The following SLC45A4 variants were observed in gnomAD, a reference collection of about 807,000 sequenced individuals.
SLC45A4 encodes the protein solute carrier family 45 member 4.
A neutral mutation model predicts 63.7 loss-of-function variants in SLC45A4; 32 were observed. The ratio of observed to expected loss-of-function variants is 0.50; its 90% CI spans 0.38 to 0.67. The LOEUF (loss-of-function observed/expected upper bound fraction) is 0.67. SLC45A4 is among the 30% of genes least tolerant of loss of function. SLC45A4 has a pLI of 0.00. For synonymous variants in SLC45A4, 535 were observed against 510.0 expected, an observed-to-expected ratio of 1.05 and a Z score of -0.66; for missense variants, 1,027 against 1,157.7, an observed-to-expected ratio of 0.89 and a Z score of 1.64.
At chr8:141,250,933 A>G (rs572742393) in intron 2 of SLC45A4, among the ~76,000 whole-genome samples, 28 of 152,390 alleles carry the variant, frequency 1.8e-4, no homozygotes, top group Admixed American at 1.4e-3. Context: ...CCATCTATAA[A>G]GTATGAAAAT....
chr8:141,248,324 C>T (rs1429570216), intron 2 of SLC45A4, among the ~76,000 whole-genome samples: 1 of 152,226 alleles, frequency 6.6e-6, no homozygotes, highest in Non-Finnish European at 1.5e-5. Flanking sequence ...AGCCCCAGCA[C>T]TCTGGGACTC....
intron 1 of SLC45A4, among the ~76,000 whole-genome samples, chr8:141,291,658 G>A (rs781559406): frequency 3.3e-5 from 5 of 152,154 alleles, no homozygotes; most frequent in African/African-American, 1.2e-4. Flanking sequence ...ACGTATGAAC[G>A]ACTACAGGTA....
At chr8:141,236,018 C>T (rs1413781568) in intron 2 of SLC45A4, among the ~76,000 whole-genome samples, 3 of 152,122 alleles carry the variant, frequency 2.0e-5, no homozygotes, top group Admixed American at 6.5e-5. Context: ...GCAGGAGAAT[C>T]GCTTGAACCC....
intron 2 of SLC45A4, among the ~76,000 whole-genome samples, chr8:141,243,499 G>A (rs1828013319): frequency 6.6e-6 from 1 of 152,202 alleles, no homozygotes; most frequent in East Asian, 1.9e-4. Flanking sequence ...TTAAATACAG[G>A]CCGGGTGCAG....
intron 1 of SLC45A4, among the ~76,000 whole-genome samples, chr8:141,305,941 C>CGGGGCGGGCT (rs1830886179): frequency 6.6e-6 from 1 of 151,940 alleles, no homozygotes; most frequent in Admixed American, 6.5e-5. Context: ...TGCAGATCTG[C>CGGGGCGGGCT]GGGGCGGGCT....
In SLC45A4 at chr8:141,246,171, G is replaced by A. The variant is rs187733300; in HGVS notation, c.241+7818C>T. Among the ~76,000 whole-genome samples the A allele has an allele frequency of 2.4e-3, 364 of 152,278 alleles. 3 individuals are homozygous for A. Among genetic ancestry groups the A allele is most frequent in the Non-Finnish European group, 3.0e-3 (202 of 68,020 alleles). ...CTACCAAGATGAGGATTGAGACAAC[G>A]GGAAAAATTCCAATGTACCCAAAGT... is the stretch of plus-strand genomic sequence containing the variant. On this transcript the variant is annotated intron_variant, in intron 2 of 8. Coordinates refer to ENST00000517878, the MANE Select transcript of SLC45A4 (RefSeq NM_001286646.2).
chr8:141,233,282 G>T (rs1827459000), intron 2 of SLC45A4, among the ~76,000 whole-genome samples: 1 of 152,172 alleles, frequency 6.6e-6, no homozygotes, highest in Admixed American at 6.5e-5. Flanking sequence ...TGTGGCTTGA[G>T]AATGCTATTA....
intron 1 of SLC45A4, among the ~76,000 whole-genome samples, chr8:141,302,589 C>G (rs1374480220): frequency 6.6e-6 from 1 of 152,202 alleles, no homozygotes; most frequent in Non-Finnish European, 1.5e-5. Context: ...ACCTTGGCCT[C>G]CCAAAGAGCT....
intron 1 of SLC45A4, among the ~76,000 whole-genome samples, chr8:141,282,303 C>T (rs910157913): frequency 1.3e-5 from 2 of 152,194 alleles, no homozygotes; most frequent in Non-Finnish European, 2.9e-5. Flanking sequence ...TCCTGCCTTC[C>T]CAGGTGGCCC....
intron 3 of SLC45A4, among the ~76,000 whole-genome samples, 166 bp downstream of exon 3, chr8:141,221,411 G>A (rs985012985): frequency 6.6e-6 from 1 of 152,272 alleles, no homozygotes; most frequent in Non-Finnish European, 1.5e-5. Context: ...GGCCAGCTTC[G>A]GCGCTGCCAG....
At chr8:141,261,396 T>G (rs1421273056) in intron 1 of SLC45A4, among the ~76,000 whole-genome samples, 2 of 151,990 alleles carry the variant, frequency 1.3e-5, no homozygotes, top group East Asian at 3.9e-4. Flanking sequence ...AAGAAGGAAA[T>G]AAAGGGTATT....
At chr8:141,285,498 C>T (rs1197063881) in intron 1 of SLC45A4, among the ~76,000 whole-genome samples, 1 of 152,248 alleles carries the variant, frequency 6.6e-6, no homozygotes, top group Non-Finnish European at 1.5e-5. Flanking sequence ...AAGGACCCCA[C>T]TTCAGACAAG....
At chr8:141,252,543 C>T (rs55891128) in intron 2 of SLC45A4, 4,617 of 59,060 alleles carry the variant, frequency 0.078, 1 homozygote, top group African/African-American at 0.1. Context: ...ACCTGTGCGT[C>T]TGTGAATTTC....
chr8:141,216,926 G>A (rs943911117), intron 6 of SLC45A4, among the ~76,000 whole-genome samples, 164 bp downstream of exon 6: 2 of 152,222 alleles, frequency 1.3e-5, no homozygotes, highest in African/African-American at 4.8e-5. Context: ...ACGAGGACAT[G>A]GGAATTTCGA....
chr8:141,263,568 T>C (rs1379811666), intron 1 of SLC45A4, among the ~76,000 whole-genome samples: 4 of 150,498 alleles, frequency 2.7e-5, no homozygotes, highest in Admixed American at 2.6e-4. Context: ...ATCAAGACCA[T>C]CCTGGTCAAC....
intron 1 of SLC45A4, among the ~76,000 whole-genome samples, chr8:141,283,929 G>A (rs2154615136): frequency 6.6e-6 from 1 of 152,296 alleles, no homozygotes; most frequent in South Asian, 2.1e-4. Flanking sequence ...AGTTTCACCT[G>A]CTCAAACCCA....
At chr8:141,307,866 C>T (rs1192405526) in intron 1 of SLC45A4, among the ~76,000 whole-genome samples, 1 of 136,020 alleles carries the variant, frequency 7.4e-6, no homozygotes, top group Non-Finnish European at 1.6e-5. Flanking sequence ...AGGTGCAATC[C>T]GGAAAGAGGA....
Position 141,218,798 on chromosome 8 carries a change from G to A in SLC45A4, c.842C>T (p.Pro281Leu). Residue 281 changes from proline to leucine, a missense_variant, in exon 5 of 9, where the codon CCT becomes CTT. By Grantham distance (98) the Pro-to-Leu change is moderately conservative. Transcript: ENST00000517878. ...ALDGGEPHGV[P>L]AFPDEVQSEH... ...CGACTGTACCTCGTCTGGGAAGGCA[G>A]GGACGCCGTGCGGCTCGCCCCCATC... 6.2e-7 allele frequency: 1 copy of A among 1,613,184 alleles called. No homozygotes were observed. Among genetic ancestry groups the A allele is most frequent in the Non-Finnish European group, 8.5e-7 (1 of 1,179,830 alleles).
intron 2 of SLC45A4, among the ~76,000 whole-genome samples, chr8:141,235,860 G>A (rs567813856): frequency 2.0e-5 from 3 of 152,276 alleles, no homozygotes; most frequent in South Asian, 2.1e-4. Context: ...TCAGCACTTC[G>A]GGAGGCTGAG....
Sources: allele counts gnomAD v4.1 joint callset (sites outside exome capture counted in the v4.1 genomes callset), GRCh38; gene constraint gnomAD v4.1.1; transcripts MANE v1.5; gene names NCBI Gene and HGNC (gene_info 2026-07-23, HGNC 2026-07-21).